CRYM: variants seen among roughly 807,000 people sequenced by gnomAD.
CRYM encodes ketimine reductase mu-crystallin.
Under a neutral mutation model 32.9 loss-of-function variants are expected in CRYM, and 18 were observed. That is an observed-to-expected ratio of 0.55 (90% CI 0.38 to 0.81). The LOEUF (loss-of-function observed/expected upper bound fraction) is 0.81. Ranked by LOEUF, CRYM falls within the 30% of genes least tolerant of loss-of-function variation. The pLI, the probability that CRYM is intolerant of heterozygous loss-of-function variation, is 0.00. For missense variants in CRYM, 337 were observed against 393.5 expected, an observed-to-expected ratio of 0.86 and a Z score of 1.21; for synonymous variants, 153 against 152.4, an observed-to-expected ratio of 1.00 and a Z score of -0.03.
At chr16:21,279,866 A>C (rs1444232186), upstream of CRYM, among the ~76,000 whole-genome samples, 1 of 143,112 alleles carries the variant, frequency 7.0e-6, no homozygotes, top group Non-Finnish European at 1.5e-5. Context: ...AGTGCTTGGC[A>C]CAGAGTAGCC....
At chr16:21,298,526 A>G (rs867434477) in intron 1 of CRYM, among the ~76,000 whole-genome samples, 2 of 152,252 alleles carry the variant, frequency 1.3e-5, no homozygotes, top group South Asian at 4.1e-4. Flanking sequence ...TGAAGCAGAA[A>G]GAAAGGAATG....
intron 1 of CRYM, among the ~76,000 whole-genome samples, chr16:21,290,056 G>T (rs1019901095): frequency 6.6e-6 from 1 of 151,678 alleles, no homozygotes; most frequent in African/African-American, 2.4e-5. Context: ...CTGTAAAATG[G>T]ACCAATCAGT....
At chr16:21,289,806 C>T (rs1056293480) in intron 1 of CRYM, among the ~76,000 whole-genome samples, 1 of 151,742 alleles carries the variant, frequency 6.6e-6, no homozygotes, top group African/African-American at 2.4e-5. Flanking sequence ...GCTGATTGGC[C>T]CATTTACAGA....
At chr16:21,261,636 G>A in intron 6 of CRYM, 1 of 503,626 alleles carries the variant, frequency 2.0e-6, no homozygotes, top group Non-Finnish European at 3.6e-6. Context: ...GCTGTTATCT[G>A]AACATGCATG....
chr16:21,299,364 A>G (rs1597634125), intron 1 of CRYM, among the ~76,000 whole-genome samples: 1 of 151,530 alleles, frequency 6.6e-6, no homozygotes, highest in African/African-American at 2.4e-5. Context: ...GTTGGAGTTG[A>G]GTGGCGTGAT....
chr16:21,287,056 C>A (rs1183635039), intron 1 of CRYM, among the ~76,000 whole-genome samples: 1 of 150,878 alleles, frequency 6.6e-6, no homozygotes, highest in Non-Finnish European at 1.5e-5. Flanking sequence ...CGCCACTGCA[C>A]TCCAGCCTGG....
intron 1 of CRYM, among the ~76,000 whole-genome samples, chr16:21,289,007 A>T (rs1050862436): frequency 2.0e-5 from 3 of 152,100 alleles, no homozygotes; most frequent in Non-Finnish European, 4.4e-5. Context: ...TTGTGGCCTA[A>T]TTAATGGTCT....
In CRYM at chr16:21,267,730, A is replaced by G. The variant is rs750864877; in HGVS notation, c.497T>C (p.Ile166Thr). ...TEQFSFKEVR[I>T]WNRTKENAEK... Reference sequence around the variant, plus strand: ...TGCATTTTCTTTGGTGCGGTTCCATATCCTCACCTTCATTGGGAGTAACAA... The same window carrying G: ...TGCATTTTCTTTGGTGCGGTTCCATGTCCTCACCTTCATTGGGAGTAACAA... The change falls in exon 5 of 8, where the codon ATA becomes ACA. Residue 166 changes from isoleucine to threonine, a missense_variant. Coordinates refer to ENST00000572914, the MANE Select transcript of CRYM (RefSeq NM_001376256.1). The G allele has an allele frequency of 1.9e-6, 3 of 1,614,032 alleles. No individual in the cohort carries two copies. The highest frequency in any genetic ancestry group is 1.7e-6 in the Non-Finnish European group (2 of 1,180,046).
intron 1 of CRYM, among the ~76,000 whole-genome samples, chr16:21,299,629 C>T (rs975145184): frequency 6.6e-6 from 1 of 152,184 alleles, no homozygotes; most frequent in Non-Finnish European, 1.5e-5. Flanking sequence ...TTTTAGAAGG[C>T]TCAGGTGTTT....
intron 3 of CRYM, among the ~76,000 whole-genome samples, chr16:21,272,746 T>G (rs1306099704): frequency 6.6e-6 from 1 of 150,472 alleles, no homozygotes; most frequent in Non-Finnish European, 1.5e-5. Flanking sequence ...GCCTCCAGGA[T>G]TCAAGCAATT....
Position 21,258,567 on chromosome 16 carries a change from G to A in CRYM, c.*214C>T. On this transcript the variant is annotated 3_prime_UTR_variant, in exon 8 of 8. Transcript: ENST00000572914. ...ATTTCAGGGAAATATAAAGGGAAAT[G>A]AATGCTATTATAACTTGGTAGAACA... The A allele has an allele frequency of 1.7e-6, 1 of 597,830 alleles. No individual in the cohort carries two copies. The highest frequency in any genetic ancestry group is 2.8e-5 in the Admixed American group (1 of 35,282). 37.0% of individuals were successfully genotyped at this position (597,830 alleles called of 1,614,324 possible). A position where few individuals can be genotyped will look rare whatever the true frequency, so the allele number is the denominator to read the frequency against.
Position 21,277,941 on chromosome 16 carries a change from G to C in CRYM, c.170+141C>G, listed in dbSNP as rs2093390328. ...CTGTAAAACGCCCACTTAGCACACC[G>C]GGTAGCGCCTATTAAAAGTGGCAGC... On this transcript the variant is annotated intron_variant, in intron 1 of 7. Coordinates refer to ENST00000572914, the MANE Select transcript of CRYM (RefSeq NM_001376256.1). This position sits in a 1 kb window ranked among gnomAD's most constrained non-coding sequence, Gnocchi z 4.2. 7 of 975,982 alleles carry C rather than the reference G, an allele frequency of 7.2e-6. 1 individual carries two copies. The South Asian group carries it at 1.1e-4, about 16-fold the overall frequency. The allele number at this position is 975,982 out of a possible 1,614,324, so 60.5% of individuals were successfully genotyped here. A position where few individuals can be genotyped will look rare whatever the true frequency, so the allele number is the denominator to read the frequency against.
At chr16:21,263,495 G>T (rs1206457872) in intron 5 of CRYM, among the ~76,000 whole-genome samples, 4 of 152,132 alleles carry the variant, frequency 2.6e-5, no homozygotes, top group East Asian at 1.9e-4. Flanking sequence ...GACCACAGAC[G>T]CCTGCCACTA....
intron 6 of CRYM, chr16:21,261,808 C>T: frequency 1.9e-6 from 1 of 540,468 alleles, no homozygotes; most frequent in Non-Finnish European, 3.3e-6. Context: ...AAAATAAAAT[C>T]CACTGAGCTT....
At chr16:21,273,992 T>G (rs1322203924) in intron 3 of CRYM, among the ~76,000 whole-genome samples, 1 of 152,090 alleles carries the variant, frequency 6.6e-6, no homozygotes, top group African/African-American at 2.4e-5. Flanking sequence ...CCTCCCATTC[T>G]TCCCTCCCCA....
intron 1 of CRYM, among the ~76,000 whole-genome samples, chr16:21,299,303 T>C (rs2152866024): frequency 6.6e-6 from 1 of 152,210 alleles, no homozygotes; most frequent in East Asian, 1.9e-4. Flanking sequence ...TTAGTTTTTT[T>C]TTTTAATTTT....
intron 5 of CRYM, among the ~76,000 whole-genome samples, chr16:21,264,393 G>A (rs2093360120): frequency 6.6e-6 from 1 of 152,136 alleles, no homozygotes; most frequent in Admixed American, 6.6e-5. Flanking sequence ...GGCGGATGGA[G>A]GTGGGCCAGG....
chr16:21,268,483 G>C (rs903644908), intron 4 of CRYM: 1 of 152,150 alleles, frequency 6.6e-6, no homozygotes, highest in Non-Finnish European at 1.5e-5. Flanking sequence ...TGGGTCAAGG[G>C]CTTGTCACCC....
Position 21,267,535 on chromosome 16 carries a change from A to G in CRYM, c.673+19T>C, listed in dbSNP as rs2093366321. The G allele has an allele frequency of 1.2e-6, 2 of 1,612,652 alleles. No individual in the cohort carries two copies. The highest frequency in any genetic ancestry group is 1.7e-6 in the Non-Finnish European group (2 of 1,179,868). ...GCCTGGCCACCACCCATCATGCCTT[A>G]TGGAGCCACTCTACTTACCATTGAT... On this transcript the variant is annotated intron_variant, in intron 5 of 7. Coordinates refer to ENST00000572914, the MANE Select transcript of CRYM (RefSeq NM_001376256.1).
Sources: allele counts gnomAD v4.1 joint callset (sites outside exome capture counted in the v4.1 genomes callset), GRCh38; gene constraint gnomAD v4.1.1; non-coding constraint Gnocchi (gnomAD v3.1); transcripts MANE v1.5; gene names NCBI Gene and HGNC (gene_info 2026-07-23, HGNC 2026-07-21).